Variants in MC2R observed in about 807,000 individuals in gnomAD.
MC2R encodes the protein melanocortin 2 receptor, also known as adrenocorticotropic hormone receptor.
In MC2R, 9 loss-of-function variants were observed where a neutral mutation model predicts 9.8. The ratio of observed to expected loss-of-function variants is 0.92; its 90% confidence interval spans 0.55 to 1.60. The LOEUF (loss-of-function observed/expected upper bound fraction) is 1.60. MC2R is among the 40% of genes most tolerant of loss of function. The pLI is 0.00. For missense variants in MC2R, 370 were observed against 389.0 expected (o/e 0.95, Z 0.41); for synonymous variants, 185 against 154.7 (o/e 1.20, Z -1.45).
chr18:13,899,605 C>T (rs1468390392), intron 1 of MC2R, among the ~76,000 whole-genome samples: 1 of 152,040 alleles, frequency 6.6e-6, no homozygotes, highest in African/African-American at 2.4e-5. Context: ...AGAGAGGATC[C>T]TAAAAGCAGC....
chr18:13,906,177 C>T (rs554838968), intron 1 of MC2R, among the ~76,000 whole-genome samples: 1 of 152,202 alleles, frequency 6.6e-6, no homozygotes, highest in African/African-American at 2.4e-5. Flanking sequence ...ATGGTACCAA[C>T]CCAAATGTCC....
At position 13,884,887 on chromosome 18, in the gene MC2R, G is replaced by C. The variant is rs1220332042; in HGVS notation, c.632C>G (p.Pro211Arg). The stretch of plus-strand genomic sequence containing the variant: ...GATGGCCCCTTTCATGTTGGCTCTG[G>C]GGAGGGTGGAGATCTTCCTGGTGTG... The part of the protein sequence containing the change: ...RSHTRKISTL[P>R]RANMKGAITL... The change falls in exon 2 of 2, where the codon CCC (proline) becomes CGC (arginine). Residue 211 changes from proline (P) to arginine (R), a missense_variant. Pro to Arg is a moderately radical substitution (Grantham distance 103). Transcript: ENST00000327606. 1.2e-6 allele frequency: 2 copies of C among 1,613,942 alleles called. No homozygotes were observed. Among genetic ancestry groups the C allele is most frequent in the African/African-American group, 1.3e-5 (1 of 74,884 alleles).
rs768825937 is a variant in MC2R, at chr18:13,905,083, C to T, written c.-129+10405G>A. On this transcript the variant is annotated intron_variant, in intron 1 of 1. Transcript: ENST00000327606. ...GCTTCTGCACAGCAAAAGAAACTAT[C>T]ATCAGTGTGAACAGGCAACCTACAG... Among the ~76,000 whole-genome samples, 6 of 152,150 alleles carry T rather than the reference C, an allele frequency of 3.9e-5. 1 individual carries two copies. Among genetic ancestry groups the T allele is most frequent in the Admixed American group, 2.0e-4 (3 of 15,270 alleles).
chr18:13,894,429 C>G (rs1258116102), intron 1 of MC2R, among the ~76,000 whole-genome samples: 1 of 152,264 alleles, frequency 6.6e-6, no homozygotes, highest in East Asian at 1.9e-4. Context: ...GTAGACCTCC[C>G]TAACTATGGT....
intron 1 of MC2R, among the ~76,000 whole-genome samples, chr18:13,891,600 T>C (rs2045316020): frequency 6.6e-6 from 1 of 152,198 alleles, no homozygotes; most frequent in South Asian, 2.1e-4. Context: ...TGTCAGGCTT[T>C]TGGATTATTG....
At chr18:13,904,245 G>A (rs2045398116) in intron 1 of MC2R, among the ~76,000 whole-genome samples, 1 of 151,560 alleles carries the variant, frequency 6.6e-6, no homozygotes, top group African/African-American at 2.4e-5. Context: ...GGCAGGCGAG[G>A]TGGTGGGCAC....
intron 1 of MC2R, among the ~76,000 whole-genome samples, chr18:13,902,776 T>C (rs1444782656): frequency 6.6e-6 from 1 of 152,122 alleles, no homozygotes; most frequent in African/African-American, 2.4e-5. Context: ...AGGACATTGG[T>C]CTGGGCAAAA....
chr18:13,884,402 A>C lies in MC2R; in HGVS notation c.*223T>G, dbSNP rs369247895. 2 of 603,176 alleles carry C rather than the reference A, an allele frequency of 3.3e-6. No homozygotes were observed. Among genetic ancestry groups the C allele is most frequent in the East Asian group, 5.6e-5 (2 of 35,480 alleles). 37.4% of individuals were successfully genotyped at this position (603,176 alleles called of 1,614,324 possible). A position where few individuals can be genotyped will look rare whatever the true frequency, so the allele number is the denominator to read the frequency against. On this transcript the variant is annotated 3_prime_UTR_variant, in exon 2 of 2. Coordinates refer to ENST00000327606, the MANE Select transcript of MC2R (RefSeq NM_000529.2). ...ATACTTTGTATTCTATCCTTCTTTTACTACATCGTTTTATCTGTCCAGTCA... is the reference window on the plus strand; with the variant it reads ...ATACTTTGTATTCTATCCTTCTTTTCCTACATCGTTTTATCTGTCCAGTCA...
intron 1 of MC2R, among the ~76,000 whole-genome samples, chr18:13,900,261 A>T (rs960950960): frequency 2.0e-5 from 3 of 152,136 alleles, no homozygotes; most frequent in Non-Finnish European, 2.9e-5. Context: ...CATACAATGG[A>T]TACACAAAAA....
At chr18:13,893,993 C>T (rs777167194) in intron 1 of MC2R, among the ~76,000 whole-genome samples, 4 of 152,188 alleles carry the variant, frequency 2.6e-5, no homozygotes, top group Non-Finnish European at 5.9e-5. Context: ...GAGGCACTGG[C>T]TTCTGGAAGT....
At chr18:13,902,690 T>A (rs1011593365) in intron 1 of MC2R, among the ~76,000 whole-genome samples, 1 of 152,152 alleles carries the variant, frequency 6.6e-6, no homozygotes, top group South Asian at 2.1e-4. Flanking sequence ...AAAAATCAAA[T>A]AAAAATGGAT....
intron 1 of MC2R, among the ~76,000 whole-genome samples, chr18:13,899,526 A>G (rs1274866143): frequency 6.6e-5 from 10 of 152,196 alleles, no homozygotes; most frequent in Non-Finnish European, 1.5e-4. Flanking sequence ...ATAGAACATC[A>G]AGCATATTTA....
chr18:13,896,529 A>G (rs559410447), intron 1 of MC2R, among the ~76,000 whole-genome samples: 3 of 152,368 alleles, frequency 2.0e-5, no homozygotes, highest in Middle Eastern at 3.4e-3. Context: ...AGAAAAGAAG[A>G]TAAAAAACAG....
intron 1 of MC2R, among the ~76,000 whole-genome samples, chr18:13,913,540 A>G (rs778599037): frequency 1.6e-4 from 25 of 152,346 alleles, no homozygotes; most frequent in Non-Finnish European, 2.9e-4. Flanking sequence ...CTTTAAAACC[A>G]TCTTCCAAAT....
At position 13,910,026 on chromosome 18, in the gene MC2R, T is replaced by C. The variant is rs139175723; in HGVS notation, c.-129+5462A>G. On this transcript the variant is annotated intron_variant, in intron 1 of 1. Transcript: ENST00000327606. Reference sequence around the variant, plus strand: ...TGTCATGGAGATTTTCTTCTATGTTTTCTTTTAGAAGTTGTAAGTTTTGTA... The same window carrying C: ...TGTCATGGAGATTTTCTTCTATGTTCTCTTTTAGAAGTTGTAAGTTTTGTA... 2.6e-3 allele frequency among the ~76,000 whole-genome samples: 389 copies of C among 152,366 alleles called. 1 individual carries two copies. The highest frequency in any genetic ancestry group is 9.0e-3 in the African/African-American group (376 of 41,580).
chr18:13,898,183 C>T (rs778197750), intron 1 of MC2R, among the ~76,000 whole-genome samples: 64 of 152,160 alleles, frequency 4.2e-4, no homozygotes, highest in Non-Finnish European at 8.4e-4. Context: ...CAGCATTCAC[C>T]ACAACCTGAC....
intron 1 of MC2R, among the ~76,000 whole-genome samples, chr18:13,914,931 G>A (rs1315001646): frequency 2.0e-5 from 3 of 152,220 alleles, no homozygotes; most frequent in Non-Finnish European, 4.4e-5. Flanking sequence ...TGCCTAGGAA[G>A]GTGGAGGCTG....
chr18:13,888,124 G>A (rs1598460886), intron 1 of MC2R, among the ~76,000 whole-genome samples: 1 of 149,552 alleles, frequency 6.7e-6, no homozygotes, highest in African/African-American at 2.5e-5. Flanking sequence ...AAAAAAAAAA[G>A]ACATGTTGAA....
At chr18:13,915,383 T>A (rs2045470178) in intron 1 of MC2R, 105 bp downstream of exon 1, 1 of 152,578 alleles carries the variant, frequency 6.6e-6, no homozygotes, top group Non-Finnish European at 1.5e-5. Context: ...ATGAGCTATT[T>A]GGAGGAATTC....
Sources: allele counts gnomAD v4.1 joint callset (sites outside exome capture counted in the v4.1 genomes callset), GRCh38; gene constraint gnomAD v4.1.1; transcripts MANE v1.5; gene names NCBI Gene and HGNC (gene_info 2026-07-23, HGNC 2026-07-21).